Variants in PRICKLE1 observed in about 807,000 individuals in gnomAD.
The protein encoded by PRICKLE1 is prickle-like protein 1.
Under a neutral mutation model 70.2 loss-of-function variants are expected in PRICKLE1, and 14 were observed. The observed-to-expected ratio is 0.20, with a 90% CI of 0.13 to 0.31. The LOEUF (loss-of-function observed/expected upper bound fraction) is 0.31, where lower values mean the gene tolerates loss of function less well. Among genes scored for constraint, PRICKLE1 ranks in the 10% least tolerant of loss-of-function variants. PRICKLE1 has a pLI of 1.00. For missense variants in PRICKLE1, 821 were observed against 1,026.2 expected (o/e 0.80, Z 2.73); for synonymous variants, 357 against 379.9 (o/e 0.94, Z 0.70).
intron 1 of PRICKLE1, among the ~76,000 whole-genome samples, chr12:42,496,199 C>T (rs1182197168): frequency 1.3e-5 from 2 of 152,228 alleles, no homozygotes; most frequent in Non-Finnish European, 2.9e-5. Flanking sequence ...TAATCTTGTG[C>T]ATCTCCATCA....
At chr12:42,468,971 A>T (rs983406668) in intron 4 of PRICKLE1, 142 bp from the exon 5 acceptor site, 2 of 792,156 alleles carry the variant, frequency 2.5e-6, no homozygotes, top group African/African-American at 1.7e-5. Flanking sequence ...TAGCTCTTTA[A>T]TGCTGGATTA....
intron 1 of PRICKLE1, among the ~76,000 whole-genome samples, chr12:42,499,987 G>A (rs1416695830): frequency 6.6e-6 from 1 of 152,074 alleles, no homozygotes; most frequent in African/African-American, 2.4e-5. Context: ...CTGACCTCAA[G>A]TGATCCACCT....
At chr12:42,584,927 G>A (rs924038572) in intron 1 of PRICKLE1, among the ~76,000 whole-genome samples, 1 of 152,104 alleles carries the variant, frequency 6.6e-6, no homozygotes, top group African/African-American at 2.4e-5. Context: ...AGAAGCACAC[G>A]CAAAGCAGAA....
chr12:42,477,390 A>AT (rs1938588170), intron 1 of PRICKLE1, among the ~76,000 whole-genome samples: 1 of 145,266 alleles, frequency 6.9e-6, no homozygotes, highest in Non-Finnish European at 1.5e-5. Context: ...AACAAAACAA[A>AT]ATATATATAT....
intron 1 of PRICKLE1, among the ~76,000 whole-genome samples, chr12:42,482,043 C>T (rs1938810947): frequency 1.3e-5 from 2 of 152,176 alleles, no homozygotes; most frequent in Non-Finnish European, 2.9e-5. Context: ...GGCCATATGC[C>T]CTTTAGTATT....
chr12:42,502,843 T>G (rs754012875), intron 1 of PRICKLE1, among the ~76,000 whole-genome samples: 1 of 152,198 alleles, frequency 6.6e-6, no homozygotes, highest in African/African-American at 2.4e-5. Flanking sequence ...GAGCAACGAA[T>G]GTAACAAACC....
chr12:42,511,061 T>A (rs1939504149), intron 1 of PRICKLE1, among the ~76,000 whole-genome samples: 1 of 152,208 alleles, frequency 6.6e-6, no homozygotes, highest in Non-Finnish European at 1.5e-5. Context: ...ATGCCCTGGG[T>A]GTGCCCCTCA....
At chr12:42,586,672 G>C (rs1592049132) in intron 1 of PRICKLE1, among the ~76,000 whole-genome samples, 1 of 152,158 alleles carries the variant, frequency 6.6e-6, no homozygotes, top group Non-Finnish European at 1.5e-5. Flanking sequence ...GCCATTAAGA[G>C]AGTTACTTAA....
At chr12:42,512,427 T>G (rs1189891176) in intron 1 of PRICKLE1, among the ~76,000 whole-genome samples, 3 of 152,170 alleles carry the variant, frequency 2.0e-5, no homozygotes, top group Non-Finnish European at 4.4e-5. Flanking sequence ...CCACCCGCCT[T>G]GGCCTCCCAA....
chr12:42,484,899 C>T (rs1938945727), intron 1 of PRICKLE1, among the ~76,000 whole-genome samples: 1 of 152,144 alleles, frequency 6.6e-6, no homozygotes, highest in Non-Finnish European at 1.5e-5. Context: ...ACTATAGCCT[C>T]CTTATCACAA....
chr12:42,490,116 A>G (rs1320955645), intron 1 of PRICKLE1: 1 of 152,270 alleles, frequency 6.6e-6, no homozygotes, highest in Non-Finnish European at 1.5e-5. Flanking sequence ...AAACCATGAT[A>G]CATGGTGATT....
chr12:42,555,873 G>A (rs1444961025), intron 1 of PRICKLE1, among the ~76,000 whole-genome samples: 1 of 152,110 alleles, frequency 6.6e-6, no homozygotes, highest in Non-Finnish European at 1.5e-5. Context: ...TAACCCAAGT[G>A]CATATAAACC....
chr12:42,563,052 G>A (rs565329843), intron 1 of PRICKLE1, among the ~76,000 whole-genome samples: 12 of 151,964 alleles, frequency 7.9e-5, no homozygotes, highest in South Asian at 6.3e-4. Flanking sequence ...GTGTGGTGGC[G>A]GGTGCCTGTA....
intron 1 of PRICKLE1, among the ~76,000 whole-genome samples, chr12:42,510,551 A>C (rs1273578117): frequency 4.0e-5 from 6 of 151,402 alleles, no homozygotes; most frequent in Non-Finnish European, 1.5e-5. Flanking sequence ...AAAAACAAAC[A>C]AACAAAGAGC....
At chr12:42,583,363 C>T (rs765835501) in intron 1 of PRICKLE1, among the ~76,000 whole-genome samples, 8 of 152,132 alleles carry the variant, frequency 5.3e-5, no homozygotes, top group Non-Finnish European at 1.0e-4. Context: ...CCTCATTTTA[C>T]CTCTAGTTGA....
intron 1 of PRICKLE1, among the ~76,000 whole-genome samples, chr12:42,508,121 C>G (rs922640693): frequency 6.0e-5 from 9 of 150,720 alleles, no homozygotes; most frequent in African/African-American, 2.2e-4. Context: ...TATAAGGGCT[C>G]TAGTGGAAAA....
At chr12:42,585,831 C>A (rs1940977993) in intron 1 of PRICKLE1, among the ~76,000 whole-genome samples, 1 of 152,162 alleles carries the variant, frequency 6.6e-6, no homozygotes, top group East Asian at 1.9e-4. Flanking sequence ...TTACCAGTTA[C>A]TGGGGCAGAT....
chr12:42,568,529 GAGAA>G (rs1388873862), intron 1 of PRICKLE1, among the ~76,000 whole-genome samples: 2 of 152,192 alleles, frequency 1.3e-5, no homozygotes, highest in Non-Finnish European at 2.9e-5. Flanking sequence ...TGAGCAACAT[GAGAA>G]AGCACATAGG....
rs1255806727 is a variant in PRICKLE1 at position 42,458,641 on chromosome 12, A to G, written c.*1168T>C. ...CCAACAAATTAGTGGGAGGGAAGGA[A>G]TAAAAAGGAATAACCTCTCTTAAAA... On this transcript the variant is annotated 3_prime_UTR_variant, in exon 8 of 8. Transcript: ENST00000345127. 2 of 152,244 alleles carry G rather than the reference A, an allele frequency of 1.3e-5. No homozygotes were observed. The highest frequency in any genetic ancestry group is 2.9e-5 in the Non-Finnish European group (2 of 68,048). The allele number at this position is 152,244 out of a possible 1,614,324, so 9.4% of individuals were successfully genotyped here. A position where few individuals can be genotyped will look rare whatever the true frequency, so the allele number is the denominator to read the frequency against.
Sources: gnomAD v4.1 joint callset for allele counts (sites outside exome capture counted in the v4.1 genomes callset) on GRCh38, gnomAD v4.1.1 for gene constraint, MANE v1.5 for transcripts, NCBI Gene and HGNC (gene_info 2026-07-23, HGNC 2026-07-21) for gene names.